The following HEMK2 variants were observed in gnomAD, a reference collection of about 807,000 sequenced individuals.
HEMK2 encodes the protein methyltransferase HEMK2.
the HEMK2 span, among the ~76,000 whole-genome samples, chr21:28,820,557 T>A: frequency 6.6e-6 from 1 of 152,158 alleles, no homozygotes; most frequent in East Asian, 1.9e-4. Context: ...CACTTCCCCA[T>A]CTCCATTCCC....
the HEMK2 span, among the ~76,000 whole-genome samples, chr21:28,850,014 C>A: frequency 6.6e-6 from 1 of 152,068 alleles, no homozygotes; most frequent in Admixed American, 6.5e-5. Context: ...AGGCACAGAA[C>A]CCCTGTGAGA....
chr21:28,647,529 A>AAAGAAAGT, the HEMK2 span, among the ~76,000 whole-genome samples: 1 of 151,260 alleles, frequency 6.6e-6, no homozygotes, highest in African/African-American at 2.4e-5. Flanking sequence ...AAAAAAAGAA[A>AAAGAAAGT]AAGAAAGTAG....
At chr21:28,800,546 TC>T in the HEMK2 span, among the ~76,000 whole-genome samples, 1 of 152,102 alleles carries the variant, frequency 6.6e-6, no homozygotes, top group Non-Finnish European at 1.5e-5. Flanking sequence ...TGTATATATA[TC>T]ATATGTATGT....
At chr21:28,698,157 T>A in the HEMK2 span, among the ~76,000 whole-genome samples, 1 of 152,306 alleles carries the variant, frequency 6.6e-6, no homozygotes, top group Admixed American at 6.5e-5. Context: ...AATATATGAA[T>A]TTAGGAAACA....
chr21:28,785,131 G>A, the HEMK2 span, among the ~76,000 whole-genome samples: 1 of 152,122 alleles, frequency 6.6e-6, no homozygotes, highest in Admixed American at 6.5e-5. Flanking sequence ...CCTGCCAGAA[G>A]GAAGAAACTC....
At chr21:28,798,033 C>T in the HEMK2 span, among the ~76,000 whole-genome samples, 3 of 152,168 alleles carry the variant, frequency 2.0e-5, no homozygotes, top group African/African-American at 4.8e-5. Flanking sequence ...ACCCTGCCTC[C>T]TTTTAGGCTT....
the HEMK2 span, among the ~76,000 whole-genome samples, chr21:28,652,353 T>C: frequency 1.3e-5 from 2 of 152,200 alleles, no homozygotes; most frequent in East Asian, 1.9e-4. Context: ...ATGACCTAAG[T>C]TGACCCAATC....
chr21:28,683,882 ACT>A, the HEMK2 span, among the ~76,000 whole-genome samples: 1 of 152,194 alleles, frequency 6.6e-6, no homozygotes, highest in African/African-American at 2.4e-5. Context: ...ATAATCACTA[ACT>A]ATATTCTGAA....
the HEMK2 span, among the ~76,000 whole-genome samples, chr21:28,776,178 C>T: frequency 1.3e-5 from 2 of 152,184 alleles, no homozygotes; most frequent in South Asian, 2.1e-4. Context: ...ATGGCAATGC[C>T]TCAAGCCTGG....
At chr21:28,622,442 T>G in the HEMK2 span, among the ~76,000 whole-genome samples, 2 of 152,204 alleles carry the variant, frequency 1.3e-5, no homozygotes, top group South Asian at 4.2e-4. Flanking sequence ...CCCCATCAAG[T>G]TACCATTGAC....
the HEMK2 span, among the ~76,000 whole-genome samples, chr21:28,793,621 A>G: frequency 1.3e-5 from 2 of 152,188 alleles, no homozygotes; most frequent in Non-Finnish European, 2.9e-5. Flanking sequence ...GGTCCCTGAA[A>G]AAGTATGTCA....
the HEMK2 span, among the ~76,000 whole-genome samples, chr21:28,606,142 G>T: frequency 6.6e-6 from 1 of 152,010 alleles, no homozygotes; most frequent in African/African-American, 2.4e-5. Context: ...ATTTTGAGTT[G>T]TAACAGTATA....
the HEMK2 span, among the ~76,000 whole-genome samples, chr21:28,864,959 AT>A: frequency 6.9e-6 from 1 of 143,952 alleles, no homozygotes; most frequent in Non-Finnish European, 1.5e-5. Flanking sequence ...AGATACAGGT[AT>A]TCAATCAGTT....
chr21:28,729,569 C>G, the HEMK2 span, among the ~76,000 whole-genome samples: 4 of 147,456 alleles, frequency 2.7e-5, no homozygotes, highest in South Asian at 8.4e-4. Flanking sequence ...CTGGTCCACA[C>G]TGGAAAAAGA....
the HEMK2 span, among the ~76,000 whole-genome samples, chr21:28,721,900 TCACACACACACA>T: frequency 1.3e-4 from 17 of 127,370 alleles, 1 homozygote; most frequent in Middle Eastern, 3.8e-3. Flanking sequence ...TTCTTAACCA[TCACACACACACA>T]CACACACACA....
At chr21:28,715,515 A>AATTCTTTACAT in the HEMK2 span, among the ~76,000 whole-genome samples, 1 of 151,924 alleles carries the variant, frequency 6.6e-6, no homozygotes, top group South Asian at 2.1e-4. Flanking sequence ...TGTTGAATTA[A>AATTCTTTACAT]ATTCTTTACA....
chr21:28,702,160 T>C, the HEMK2 span, among the ~76,000 whole-genome samples: 3 of 151,958 alleles, frequency 2.0e-5, no homozygotes, highest in African/African-American at 7.2e-5. Flanking sequence ...CCCTGCCTAT[T>C]ACCATATACA....
At chr21:28,733,236 G>A in the HEMK2 span, among the ~76,000 whole-genome samples, 1 of 152,162 alleles carries the variant, frequency 6.6e-6, no homozygotes. Context: ...CCGAGATCGT[G>A]CCACTGCAGT....
At chr21:28,683,935 T>C in the HEMK2 span, among the ~76,000 whole-genome samples, 8 of 152,218 alleles carry the variant, frequency 5.3e-5, no homozygotes, top group Non-Finnish European at 8.8e-5. Context: ...TTTTGGGATA[T>C]GTATCTCCTT....
Sources: gnomAD v4.1 joint callset for allele counts (sites outside exome capture counted in the v4.1 genomes callset) on GRCh38, gnomAD v4.1.1 for gene constraint, MANE v1.5 for transcripts, NCBI Gene and HGNC (gene_info 2026-07-23, HGNC 2026-07-21) for gene names.